Variants in SLC60A2 observed in about 807,000 individuals in gnomAD.
The protein encoded by SLC60A2 is solute carrier family 60 member 2, also known as major facilitator superfamily domain containing 4B.
At chr6:111,261,154 T>C in the SLC60A2 span, among the ~76,000 whole-genome samples, 2 of 152,358 alleles carry the variant, frequency 1.3e-5, no homozygotes, top group Admixed American at 6.5e-5. Flanking sequence ...TTAAGCAACC[T>C]TTACTGACTA....
chr6:111,276,061 A>G, the SLC60A2 span, among the ~76,000 whole-genome samples: 1 of 152,310 alleles, frequency 6.6e-6, no homozygotes, highest in Admixed American at 6.5e-5. Context: ...CTTTCCCTTA[A>G]CATAATGTCT....
the SLC60A2 span, chr6:111,259,586 G>C: frequency 3.3e-6 from 4 of 1,195,108 alleles, no homozygotes; most frequent in Non-Finnish European, 4.6e-6. Context: ...CGGCTGCGGG[G>C]CAGCGGCTCC....
At chr6:111,266,856 T>C in the SLC60A2 span, 3 of 1,613,904 alleles carry the variant, frequency 1.9e-6, no homozygotes, top group Non-Finnish European at 2.5e-6. Context: ...GCTCTCTAGC[T>C]CCGGGCTAAA....
chr6:111,261,703 C>T, the SLC60A2 span, among the ~76,000 whole-genome samples: 2 of 152,052 alleles, frequency 1.3e-5, no homozygotes, highest in East Asian at 3.9e-4. Flanking sequence ...AAGCGATTCT[C>T]CTGCCTCAGC....
the SLC60A2 span, chr6:111,267,345 A>C: frequency 1.8e-4 from 80 of 451,040 alleles, no homozygotes; most frequent in African/African-American, 1.3e-3. Context: ...TAACGCTATC[A>C]TTTGACATGT....
At chr6:111,261,804 C>T in the SLC60A2 span, among the ~76,000 whole-genome samples, 3 of 152,012 alleles carry the variant, frequency 2.0e-5, no homozygotes, top group Non-Finnish European at 2.9e-5. Context: ...GTGTTGGCCA[C>T]GCTGGTCTCA....
At chr6:111,266,960 T>C in the SLC60A2 span, 1 of 1,614,226 alleles carries the variant, frequency 6.2e-7, no homozygotes, top group Non-Finnish European at 8.5e-7. Flanking sequence ...TGAGGCATTC[T>C]ATAATAGAGA....
chr6:111,264,281 T>C, the SLC60A2 span, among the ~76,000 whole-genome samples: 1 of 152,198 alleles, frequency 6.6e-6, no homozygotes, highest in Admixed American at 6.5e-5. Flanking sequence ...TGCTCTAGTA[T>C]GGGAGGAATT....
the SLC60A2 span, chr6:111,259,560 C>T: frequency 7.5e-6 from 6 of 802,774 alleles, no homozygotes; most frequent in Non-Finnish European, 1.1e-5. Context: ...GGTGGAGCTC[C>T]GTGGGGCCGG....
the SLC60A2 span, among the ~76,000 whole-genome samples, chr6:111,260,469 C>T: frequency 1.3e-5 from 2 of 152,194 alleles, no homozygotes; most frequent in African/African-American, 4.8e-5. Context: ...AGAAATATGT[C>T]TTTTACTCTG....
At chr6:111,261,840 C>CTT in the SLC60A2 span, among the ~76,000 whole-genome samples, 4 of 152,166 alleles carry the variant, frequency 2.6e-5, no homozygotes, top group South Asian at 8.3e-4. Flanking sequence ...GATCCGCCTG[C>CTT]TTCGGCCTCC....
chr6:111,264,208 G>A, the SLC60A2 span, among the ~76,000 whole-genome samples: 5 of 152,208 alleles, frequency 3.3e-5, no homozygotes, highest in Non-Finnish European at 5.9e-5. Context: ...AAACAGGGAA[G>A]GGCCCCTGTG....
At chr6:111,267,255 A>G in the SLC60A2 span, 4 of 792,768 alleles carry the variant, frequency 5.0e-6, no homozygotes, top group African/African-American at 5.2e-5. Context: ...AATGCTAAAA[A>G]TTTTTGAAAT....
At chr6:111,277,985 C>T in the SLC60A2 span, 2 of 152,178 alleles carry the variant, frequency 1.3e-5, no homozygotes, top group East Asian at 3.9e-4. Context: ...CAGCTCTTTC[C>T]CTTATCACTT....
the SLC60A2 span, chr6:111,266,548 A>G: frequency 6.2e-7 from 1 of 1,614,194 alleles, no homozygotes; most frequent in Non-Finnish European, 8.5e-7. Context: ...ACTTCAGTGT[A>G]TGGGGCTTCA....
the SLC60A2 span, chr6:111,266,410 G>T: frequency 6.2e-7 from 1 of 1,614,170 alleles, no homozygotes; most frequent in South Asian, 1.1e-5. Context: ...GCCTGCAGGG[G>T]CCTGGCAATC....
chr6:111,265,554 A>AATATTTT, the SLC60A2 span: 1 of 173,840 alleles, frequency 5.8e-6, no homozygotes, highest in Non-Finnish European at 1.1e-5. Flanking sequence ...ATTAATATAT[A>AATATTTT]AATATTTCTT....
the SLC60A2 span, chr6:111,268,547 A>C: frequency 1.3e-5 from 2 of 152,214 alleles, no homozygotes; most frequent in Non-Finnish European, 2.9e-5. Context: ...GAATTTGGAG[A>C]CACTATGTTC....
At chr6:111,279,714 C>G in the SLC60A2 span, among the ~76,000 whole-genome samples, 1 of 152,128 alleles carries the variant, frequency 6.6e-6, no homozygotes, top group African/African-American at 2.4e-5. Flanking sequence ...TTTCACCAGT[C>G]AATTTTGATT....
Sources: allele counts gnomAD v4.1 joint callset (sites outside exome capture counted in the v4.1 genomes callset), GRCh38; gene constraint gnomAD v4.1.1; transcripts MANE v1.5; gene names NCBI Gene and HGNC (gene_info 2026-07-23, HGNC 2026-07-21).